The following ABLIM1 variants were observed in gnomAD, a reference collection of about 807,000 sequenced individuals.
ABLIM1 encodes the protein actin binding LIM protein 1, also known as actin-binding LIM protein 1.
In ABLIM1, 40 loss-of-function variants were observed where a neutral mutation model predicts 107.0. The observed-to-expected ratio is 0.37, with a 90% CI of 0.29 to 0.49. The LOEUF (loss-of-function observed/expected upper bound fraction) is 0.49, where lower values mean the gene tolerates loss of function less well. ABLIM1 is among the 20% of genes least tolerant of loss of function. The pLI, the probability that ABLIM1 is intolerant of heterozygous loss-of-function variation, is 0.97. For missense variants in ABLIM1, 857 were observed against 1,008.5 expected (o/e 0.85, Z 2.04); for synonymous variants, 357 against 357.3 (o/e 1.00, Z 0.01).
At chr10:114,515,180 C>T (rs919865731) in intron 6 of ABLIM1, among the ~76,000 whole-genome samples, 3 of 152,222 alleles carry the variant, frequency 2.0e-5, no homozygotes, top group African/African-American at 4.8e-5. Flanking sequence ...GAGATTCACA[C>T]AAATTGGGCC....
At position 114,705,630 on chromosome 10, in the gene ABLIM1, C is replaced by G. The variant is rs2081405213; in HGVS notation, c.-213+62431G>C. On this transcript the variant is annotated intron_variant, in intron 1 of 15. Coordinates refer to the ABLIM1 transcript ENST00000651092. ...GTCATTCATTCAACAAAAATCTACT[C>G]AGACCCTTGGTGAGAAAGGCTGGGC... Among the ~76,000 whole-genome samples the G allele has an allele frequency of 2.6e-5, 4 of 152,290 alleles. No individual in the cohort carries two copies. The South Asian group carries it at 8.3e-4, about 32-fold the overall frequency.
chr10:114,760,525 A>G (rs1456808595), intron 1 of ABLIM1, among the ~76,000 whole-genome samples: 2 of 152,118 alleles, frequency 1.3e-5, no homozygotes, highest in Non-Finnish European at 2.9e-5. Flanking sequence ...CACATATATC[A>G]AATGTATAAG....
chr10:114,659,984 G>T, upstream of ABLIM1, among the ~76,000 whole-genome samples: 1 of 152,198 alleles, frequency 6.6e-6, no homozygotes, highest in East Asian at 1.9e-4. Context: ...TCAAGAACCT[G>T]AGAATTCCAA....
At chr10:114,441,127 G>T in intron 18 of ABLIM1, 50 bp from the exon 19 acceptor site, 6 of 1,519,832 alleles carry the variant, frequency 3.9e-6, no homozygotes, top group South Asian at 1.2e-5. Context: ...TGATCGTTTT[G>T]GAGTCAGGTG....
intron 6 of ABLIM1, among the ~76,000 whole-genome samples, chr10:114,512,878 AGG>A (rs1298160037): frequency 1.3e-5 from 2 of 150,252 alleles, no homozygotes; most frequent in African/African-American, 4.9e-5. Flanking sequence ...GAAGGAAGGA[AGG>A]AAGGAAGGAA....
intron 1 of ABLIM1, among the ~76,000 whole-genome samples, chr10:114,710,317 G>A (rs1446844272): frequency 6.6e-6 from 1 of 152,176 alleles, no homozygotes; most frequent in African/African-American, 2.4e-5. Flanking sequence ...AAGGAAAGAG[G>A]TTTAATTGAC....
intron 1 of ABLIM1, among the ~76,000 whole-genome samples, chr10:114,744,898 C>T (rs551855642): frequency 6.6e-6 from 1 of 151,980 alleles, no homozygotes; most frequent in African/African-American, 2.4e-5. Flanking sequence ...GCCTGACCAC[C>T]CCCTTGGATG....
intron 7 of ABLIM1, among the ~76,000 whole-genome samples, chr10:114,491,581 G>A (rs909222678): frequency 1.3e-5 from 2 of 152,072 alleles, no homozygotes; most frequent in African/African-American, 4.8e-5. Context: ...AAGTTCATTC[G>A]TGAACAGCCT....
rs1449119011 is a variant in ABLIM1, at chr10:114,745,406, CA to C, written c.-213+22654del. The stretch of plus-strand genomic sequence containing the variant: ...TGAAACCCTGTCTGTACTAAAAATA[CA>C]AAAATTAGCCAGGCATGGTGGCATG... On this transcript the variant is annotated intron_variant, in intron 1 of 15. Coordinates refer to the ABLIM1 transcript ENST00000651092. Among the ~76,000 whole-genome samples the C allele has an allele frequency of 2.0e-5, 3 of 151,024 alleles. No individual in the cohort carries two copies. In the East Asian group the frequency reaches 5.8e-4, roughly 29 times the overall value.
intron 6 of ABLIM1, among the ~76,000 whole-genome samples, chr10:114,544,682 C>T (rs1214766711): frequency 6.6e-6 from 1 of 152,184 alleles, no homozygotes; most frequent in Non-Finnish European, 1.5e-5. Flanking sequence ...TGTATACACA[C>T]ATGATTTCAC....
chr10:114,668,395 A>G (rs796097990), intron 1 of ABLIM1, among the ~76,000 whole-genome samples: 3 of 152,330 alleles, frequency 2.0e-5, no homozygotes, highest in African/African-American at 4.8e-5. Context: ...TTCCCAGCCA[A>G]ACTGAGGATG....
intron 1 of ABLIM1, among the ~76,000 whole-genome samples, chr10:114,697,541 G>A (rs796267894): frequency 2.0e-5 from 3 of 152,240 alleles, no homozygotes; most frequent in African/African-American, 4.8e-5. Flanking sequence ...CCTGCACAGC[G>A]TGAACCTGTC....
chr10:114,486,951 G>A (rs769411148), intron 8 of ABLIM1, among the ~76,000 whole-genome samples: 1 of 152,158 alleles, frequency 6.6e-6, no homozygotes, highest in African/African-American at 2.4e-5. Context: ...AGGAAAATAA[G>A]AGCTGTAATT....
At chr10:114,656,487 C>T (rs1306233277) in intron 1 of ABLIM1, among the ~76,000 whole-genome samples, 1 of 151,878 alleles carries the variant, frequency 6.6e-6, no homozygotes, top group Non-Finnish European at 1.5e-5. Flanking sequence ...ATCATATGTC[C>T]ACATAAAAAC....
At chr10:114,444,674 T>C (rs1029076476) in intron 16 of ABLIM1, among the ~76,000 whole-genome samples, 2 of 152,194 alleles carry the variant, frequency 1.3e-5, no homozygotes, top group East Asian at 3.9e-4. Flanking sequence ...GATCATACTA[T>C]AAATGCAACT....
chr10:114,602,117 C>T (rs78439775), intron 1 of ABLIM1, among the ~76,000 whole-genome samples, 156 bp from the exon 2 acceptor site: 1,644 of 152,248 alleles, frequency 0.011, 37 homozygotes, highest in African/African-American at 0.037. Flanking sequence ...CCTAGAGACA[C>T]AAAGACCCAT....
intron 8 of ABLIM1, among the ~76,000 whole-genome samples, chr10:114,481,413 G>A (rs2057353209): frequency 6.6e-6 from 1 of 151,056 alleles, no homozygotes; most frequent in Non-Finnish European, 1.5e-5. Context: ...TATGAACACT[G>A]ATGGGACAAC....
intron 1 of ABLIM1, among the ~76,000 whole-genome samples, chr10:114,628,065 T>A (rs2077931958): frequency 6.6e-6 from 1 of 151,552 alleles, no homozygotes; most frequent in Non-Finnish European, 1.5e-5. Flanking sequence ...GAGGTTGCAG[T>A]GAGCTGAGAC....
At chr10:114,647,197 C>A (rs1302414422) in intron 1 of ABLIM1, among the ~76,000 whole-genome samples, 1 of 152,024 alleles carries the variant, frequency 6.6e-6, no homozygotes, top group East Asian at 1.9e-4. Flanking sequence ...AGGGTTTCAC[C>A]ATGTTGGGCC....
Sources: allele counts gnomAD v4.1 joint callset (sites outside exome capture counted in the v4.1 genomes callset), GRCh38; gene constraint gnomAD v4.1.1; transcripts MANE v1.5; gene names NCBI Gene and HGNC (gene_info 2026-07-23, HGNC 2026-07-21).